Variants in PDZD2 observed in about 807,000 individuals in gnomAD.
PDZD2 encodes the protein PDZ domain-containing protein 2.
PDZD2 carries 90 observed loss-of-function variants against 220.7 expected under a neutral mutation model. The ratio of observed to expected loss-of-function variants is 0.41; its 90% CI spans 0.34 to 0.49. The LOEUF is 0.49. PDZD2 is among the 20% of genes least tolerant of loss of function. The pLI is 0.28. For synonymous variants in PDZD2, 1,375 were observed against 1,450.5 expected, an observed-to-expected ratio of 0.95 and a Z score of 1.18; for missense variants, 3,174 against 3,608.5, an observed-to-expected ratio of 0.88 and a Z score of 3.08.
chr5:32,103,008 A>AAGAT (rs1196951453), intron 24 of PDZD2, among the ~76,000 whole-genome samples: 9 of 152,228 alleles, frequency 5.9e-5, no homozygotes, highest in Non-Finnish European at 1.2e-4. Context: ...AATCCATGTG[A>AAGAT]AGATAGATAG....
In PDZD2 at chr5:31,828,078, T is replaced by A. The variant is rs73060341; in HGVS notation, c.476+28354T>A. ...TAGTATTCCATATGTTTAACCACAT[T>A]TGTTTAACCATCCATCCATTTGTGG... is the stretch of plus-strand genomic sequence containing the variant. On this transcript the variant is annotated intron_variant, in intron 2 of 24. Transcript: ENST00000438447. Among the ~76,000 whole-genome samples the A allele has an allele frequency of 8.3e-3, 1,269 of 152,358 alleles. 19 individuals carry two copies. The highest frequency in any genetic ancestry group is 0.029 in the African/African-American group (1,203 of 41,582).
intron 2 of PDZD2, among the ~76,000 whole-genome samples, chr5:31,821,614 C>G (rs1391612203): frequency 6.6e-6 from 1 of 152,066 alleles, no homozygotes; most frequent in Admixed American, 6.6e-5. Flanking sequence ...CTTTTGACCT[C>G]GTGATCTACC....
intron 20 of PDZD2, among the ~76,000 whole-genome samples, chr5:32,092,495 C>G (rs1025045861): frequency 6.6e-6 from 1 of 152,068 alleles, no homozygotes; most frequent in Admixed American, 6.6e-5. Flanking sequence ...TAGCTTGAAC[C>G]CAGGAGGTAG....
intron 1 of PDZD2, among the ~76,000 whole-genome samples, chr5:31,730,599 G>GTA (rs1749483543): frequency 6.7e-6 from 1 of 149,662 alleles, no homozygotes; most frequent in African/African-American, 2.5e-5. Flanking sequence ...TGTGGTGTGT[G>GTA]TGTGTGTGTG....
rs10676854 is a variant in PDZD2 at position 31,651,994 on chromosome 5, A to AT, written c.-361+12575dup. On this transcript the variant is annotated intron_variant, in intron 1 of 24. Coordinates refer to ENST00000438447, the MANE Select transcript of PDZD2 (RefSeq NM_178140.4). Reference sequence around the variant, plus strand: ...ACCACCATGCCCGGCTAATTTTTGTATTTTTTTTTTTTTTTTTTAGTAGAG... The same window carrying AT: ...ACCACCATGCCCGGCTAATTTTTGTATTTTTTTTTTTTTTTTTTTAGTAGAG... Among the ~76,000 whole-genome samples the AT allele has an allele frequency of 1.3e-3, 164 of 130,288 alleles. 3 individuals carry two copies. Among genetic ancestry groups the AT allele is most frequent in the Middle Eastern group, 3.8e-3 (1 of 260 alleles). 85.5% of individuals were successfully genotyped at this position (130,288 alleles called of 152,430 possible).
Position 32,090,902 on chromosome 5 carries a change from T to C in PDZD2, c.7454T>C (p.Leu2485Pro), listed in dbSNP as rs572847198. ...SPVSRSKLQE[L>P]RALSMPDLDK... ...GTGTCCCGCTCCAAGCTCCAGGAGC[T>C]GAGAGCCTTGAGCATGCCTGACCTT... Residue 2485 changes from leucine to proline, a missense_variant, in exon 20 of 25, where the codon CTG becomes CCG. This residue lies in a region of PDZD2 where 631 missense variants were observed against 789.9 expected (regional missense o/e 0.80). Coordinates refer to ENST00000438447, the MANE Select transcript of PDZD2 (RefSeq NM_178140.4). This position sits in a 1 kb window ranked among gnomAD's most constrained non-coding sequence, Gnocchi z 4.3. The C allele has an allele frequency of 6.2e-7, 1 of 1,613,972 alleles. No homozygotes were observed. Among genetic ancestry groups the C allele is most frequent in the African/African-American group, 1.3e-5 (1 of 75,046 alleles).
chr5:31,722,282 C>T (rs1748855643), intron 1 of PDZD2, among the ~76,000 whole-genome samples: 1 of 152,170 alleles, frequency 6.6e-6, no homozygotes, highest in Admixed American at 6.5e-5. Context: ...TCCCTCTCAC[C>T]TTGGCTGGCT....
intron 2 of PDZD2, among the ~76,000 whole-genome samples, chr5:31,968,251 G>A (rs1171308535): frequency 6.6e-6 from 1 of 152,154 alleles, no homozygotes. Context: ...CCATCTACTC[G>A]GGTGGTTGAG....
At chr5:32,048,236 A>C (rs73751906) in intron 7 of PDZD2, among the ~76,000 whole-genome samples, 3,958 of 152,294 alleles carry the variant, frequency 0.026, 176 homozygotes, top group African/African-American at 0.089. Context: ...CCTTCTCACT[A>C]TTCCCTTATC....
rs557201766 is a variant in PDZD2 at position 32,057,108 on chromosome 5, A to T, written c.1901-547A>T. On this transcript the variant is annotated intron_variant, in intron 10 of 24. Transcript: ENST00000438447. Reference sequence around the variant, plus strand: ...GAGCAATACTCTGTTTCAAAAAAAAATTTTTTTTTAGTAAAAAAAAGACTG... The same window carrying T: ...GAGCAATACTCTGTTTCAAAAAAAATTTTTTTTTTAGTAAAAAAAAGACTG... 2.6e-4 allele frequency among the ~76,000 whole-genome samples: 39 copies of T among 151,576 alleles called. 2 individuals carry two copies. The South Asian group carries it at 4.6e-3, about 18-fold the overall frequency.
intron 1 of PDZD2, among the ~76,000 whole-genome samples, chr5:31,658,491 C>A (rs1745636665): frequency 6.6e-6 from 1 of 152,126 alleles, no homozygotes; most frequent in African/African-American, 2.4e-5. Context: ...TCTTTTCTGC[C>A]GTTAACCTCT....
chr5:32,099,749 T>A (rs1744077153), intron 23 of PDZD2: 1 of 152,218 alleles, frequency 6.6e-6, no homozygotes, highest in African/African-American at 2.4e-5. Flanking sequence ...GGTCCTTCTG[T>A]CATTTATAAT....
At chr5:31,808,330 G>A (rs1320588055) in intron 2 of PDZD2, among the ~76,000 whole-genome samples, 7 of 152,186 alleles carry the variant, frequency 4.6e-5, no homozygotes, top group African/African-American at 7.2e-5. Flanking sequence ...TTCCCTTACC[G>A]GTTAAAACGA....
In PDZD2 at chr5:32,010,461, C is replaced by T. The variant is rs770561930; in HGVS notation, c.1386C>T (p.Thr462=). 1 of 1,612,516 alleles carries T rather than the reference C, an allele frequency of 6.2e-7. No individual in the cohort carries two copies. Among genetic ancestry groups the T allele is most frequent in the East Asian group, 2.2e-5 (1 of 44,860 alleles). The change falls in exon 6 of 25, where the codon ACC becomes ACT. Residue 462 remains threonine (T), a synonymous_variant. Transcript: ENST00000438447. ...CAGACGGGGAAGAGGACGAAGGAAC[C>T]AGCTCTTCTGTCCAGAGAGCAGTAA... ...QEADGEEDEG[T]SSSVQRAMPG... is the part of the protein sequence containing the mutation.
chr5:32,023,538 AAG>A (rs1754393472), intron 6 of PDZD2, among the ~76,000 whole-genome samples: 4 of 152,240 alleles, frequency 2.6e-5, no homozygotes, highest in Admixed American at 6.5e-5. Flanking sequence ...ATCCTTCTTA[AAG>A]AGTTTATCTG....
At chr5:31,856,509 C>T (rs1203782953) in intron 2 of PDZD2, among the ~76,000 whole-genome samples, 1 of 152,176 alleles carries the variant, frequency 6.6e-6, no homozygotes, top group African/African-American at 2.4e-5. Flanking sequence ...GCCTGCATTG[C>T]TGGGTGTAAT....
At chr5:32,041,943 CG>C (rs1756203427) in intron 7 of PDZD2, among the ~76,000 whole-genome samples, 1 of 146,980 alleles carries the variant, frequency 6.8e-6, no homozygotes, top group South Asian at 2.2e-4. Context: ...TTGCCGGGCT[CG>C]GTGGCTCACG....
intron 2 of PDZD2, among the ~76,000 whole-genome samples, chr5:31,946,304 A>G: frequency 6.6e-6 from 1 of 152,212 alleles, no homozygotes; most frequent in East Asian, 1.9e-4. Context: ...CGCCTGGCCA[A>G]ACATGCTATT....
At chr5:31,941,332 G>C (rs141703986) in intron 2 of PDZD2, among the ~76,000 whole-genome samples, 9 of 152,284 alleles carry the variant, frequency 5.9e-5, no homozygotes, top group African/African-American at 1.9e-4. Context: ...CCATGGGATA[G>C]AGGCTTGACT....
Sources: gnomAD v4.1 joint callset for allele counts (sites outside exome capture counted in the v4.1 genomes callset) on GRCh38, gnomAD v4.1.1 for gene constraint, gnomAD v4.1.1 regional missense constraint, Gnocchi (gnomAD v3.1) non-coding constraint, MANE v1.5 for transcripts, NCBI Gene and HGNC (gene_info 2026-07-23, HGNC 2026-07-21) for gene names.